DOCK2: variants seen among roughly 807,000 people sequenced by gnomAD.
DOCK2 encodes the protein dedicator of cytokinesis protein 2.
A neutral mutation model predicts 248.9 loss-of-function variants in DOCK2; 87 were observed. That is an observed-to-expected ratio of 0.35 (90% confidence interval 0.29 to 0.42). The LOEUF (loss-of-function observed/expected upper bound fraction) is 0.42, where lower values mean the gene tolerates loss of function less well. DOCK2 is among the 10% of genes least tolerant of loss of function. DOCK2 has a pLI of 1.00. For missense variants in DOCK2, 1,747 were observed against 2,300.2 expected (o/e 0.76, Z 4.92); for synonymous variants, 805 against 821.6 (o/e 0.98, Z 0.35).
intron 27 of DOCK2, among the ~76,000 whole-genome samples, chr5:169,926,021 G>T (rs985576037): frequency 6.6e-6 from 1 of 152,178 alleles, no homozygotes; most frequent in African/African-American, 2.4e-5. Flanking sequence ...ATGGCAGGAT[G>T]TCGTCAGCTC....
chr5:169,747,296 C>T, intron 22 of DOCK2, 100 bp from the exon 23 acceptor site: 2 of 1,063,446 alleles, frequency 1.9e-6, no homozygotes, highest in South Asian at 1.6e-5. Flanking sequence ...ACCTCCCACT[C>T]CTTTTTGTTT....
chr5:169,844,338 C>G (rs1464773242), intron 27 of DOCK2, among the ~76,000 whole-genome samples: 1 of 152,232 alleles, frequency 6.6e-6, no homozygotes, highest in Non-Finnish European at 1.5e-5. Context: ...CATCCCTAAG[C>G]TGCTTTTAAG....
At chr5:169,744,372 C>T (rs756317500) in intron 22 of DOCK2, among the ~76,000 whole-genome samples, 1 of 152,134 alleles carries the variant, frequency 6.6e-6, no homozygotes, top group African/African-American at 2.4e-5. Context: ...GATGGTGAAG[C>T]CAAGTCACTT....
intron 5 of DOCK2, 100 bp from the exon 6 acceptor site, chr5:169,674,197 A>G: frequency 6.9e-7 from 1 of 1,459,360 alleles, no homozygotes; most frequent in Non-Finnish European, 9.3e-7. Flanking sequence ...GCCTCAGGCC[A>G]TGGCCCTTGA....
At chr5:170,067,186 A>G (rs1486338079) in intron 44 of DOCK2, among the ~76,000 whole-genome samples, 1 of 152,174 alleles carries the variant, frequency 6.6e-6, no homozygotes, top group Non-Finnish European at 1.5e-5. Flanking sequence ...TGCCCAACCA[A>G]TACTGAAAGG....
chr5:170,047,519 G>A lies in DOCK2; in HGVS notation c.3976G>A (p.Ala1326Thr). 1 of 1,613,298 alleles carries A rather than the reference G, an allele frequency of 6.2e-7. No individual in the cohort carries two copies. Residue 1326 changes from alanine to threonine, a missense_variant, in exon 40 of 52, where the codon GCA becomes ACA. By Grantham distance (58) the Ala-to-Thr change is moderately conservative. Coordinates refer to ENST00000520908, the MANE Select transcript of DOCK2 (RefSeq NM_004946.3). ...TGTTTTCTTCCTTTAGATCCAGCAG[G>A]CAAAATTCTATGAAAGCATCATGAA... ...ELLSQNLIQQ[A>T]KFYESIMKIL...
At chr5:170,080,498 G>T (rs1386645963) in intron 50 of DOCK2, 4 of 655,024 alleles carry the variant, frequency 6.1e-6, no homozygotes. Flanking sequence ...AGCAGGGACA[G>T]GGGAGAGGCC....
intron 27 of DOCK2, among the ~76,000 whole-genome samples, chr5:169,919,851 G>A (rs6869528): frequency 0.33 from 50,918 of 152,038 alleles, 9,255 homozygotes; most frequent in South Asian, 0.4. Context: ...ATGCTTTAAA[G>A]GTGGAAACTT....
At chr5:169,791,571 G>C (rs186020362) in intron 25 of DOCK2, among the ~76,000 whole-genome samples, 1 of 152,160 alleles carries the variant, frequency 6.6e-6, no homozygotes, top group Non-Finnish European at 1.5e-5. Context: ...AAACTCAGAG[G>C]GTGGCTGCCT....
At chr5:170,012,704 A>C (rs527523476) in intron 32 of DOCK2, among the ~76,000 whole-genome samples, 9 of 152,158 alleles carry the variant, frequency 5.9e-5, no homozygotes, top group Middle Eastern at 3.2e-3. Context: ...CGCCAAATGG[A>C]ATTTACTTTT....
intron 27 of DOCK2, among the ~76,000 whole-genome samples, chr5:169,955,959 A>G (rs1308372830): frequency 2.6e-5 from 4 of 151,994 alleles, no homozygotes; most frequent in Admixed American, 6.5e-5. Context: ...AGCCTGGGTC[A>G]TGAGAGTCCT....
Position 170,034,498 on chromosome 5 carries a change from G to C in DOCK2, c.3567G>C (p.Arg1189=), listed in dbSNP as rs1290336450. Residue 1189 remains arginine (R), a synonymous_variant, in exon 35 of 52, where the codon CGG becomes CGC. Coordinates refer to ENST00000520908, the MANE Select transcript of DOCK2 (RefSeq NM_004946.3). The part of the protein sequence containing the change: ...KGLLEKLLDY[R]GVMTDESKDN... ...TCCTGGAGAAGCTGCTGGATTACCG[G>C]GGTGTGATGACAGATGAGAGCAAAG... The C allele has an allele frequency of 1.2e-6, 2 of 1,614,074 alleles. No homozygotes were observed. The highest frequency in any genetic ancestry group is 2.7e-5 in the African/African-American group (2 of 74,928).
intron 26 of DOCK2, among the ~76,000 whole-genome samples, chr5:169,835,349 G>A (rs1324610276): frequency 6.7e-6 from 1 of 150,260 alleles, no homozygotes; most frequent in Admixed American, 6.7e-5. Context: ...CTGCCTCCTG[G>A]GATCTACCTA....
At position 169,803,214 on chromosome 5, in the gene DOCK2, C is replaced by T; in HGVS notation, c.2703+8C>T. The T allele has an allele frequency of 8.1e-6, 13 of 1,611,578 alleles. No homozygotes were observed. Among genetic ancestry groups the T allele is most frequent in the Non-Finnish European group, 1.1e-5 (13 of 1,178,836 alleles). ...CTTAGCTACCAGGATGCGGTGAGTC[C>T]TCCTGATGATGTAGATATCCTGGAC... On this transcript the variant is annotated splice_region_variant and intron_variant, in intron 26 of 51. Transcript: ENST00000520908.
intron 32 of DOCK2, among the ~76,000 whole-genome samples, chr5:170,013,463 T>G (rs976448502): frequency 6.6e-6 from 1 of 151,976 alleles, no homozygotes; most frequent in Non-Finnish European, 1.5e-5. Flanking sequence ...TACAGCATCC[T>G]TATAGGTGAA....
chr5:170,007,255 A>G (rs1341623076), intron 30 of DOCK2, among the ~76,000 whole-genome samples: 1 of 152,208 alleles, frequency 6.6e-6, no homozygotes, highest in Non-Finnish European at 1.5e-5. Flanking sequence ...TCCTCTTGCT[A>G]CATACACTGT....
intron 26 of DOCK2, among the ~76,000 whole-genome samples, chr5:169,820,674 CAG>C (rs1384713797): frequency 3.9e-5 from 6 of 152,174 alleles, no homozygotes; most frequent in African/African-American, 1.4e-4. Context: ...GGGGAAAAAA[CAG>C]AGCAGAAAAA....
In DOCK2 at chr5:170,050,238, A is replaced by G. The variant is rs751892041; in HGVS notation, c.4072-18A>G. On this transcript the variant is annotated intron_variant, in intron 40 of 51. Transcript: ENST00000520908. ...CACCTGGGTCCCCAAATCTCTAATG[A>G]GCATCCTTTCTCTGCAGAACAAAGT... 6.8e-6 allele frequency: 11 copies of G among 1,612,516 alleles called. No homozygotes were observed. Among genetic ancestry groups the G allele is most frequent in the Non-Finnish European group, 8.5e-6 (10 of 1,179,192 alleles).
At chr5:169,803,462 A>G (rs557732346) in intron 26 of DOCK2, among the ~76,000 whole-genome samples, 1 of 152,266 alleles carries the variant, frequency 6.6e-6, no homozygotes, top group South Asian at 2.1e-4. Context: ...TATAGACATT[A>G]TTGCAGCCTT....
Sources: allele counts gnomAD v4.1 joint callset (sites outside exome capture counted in the v4.1 genomes callset), GRCh38; gene constraint gnomAD v4.1.1; transcripts MANE v1.5; gene names NCBI Gene and HGNC (gene_info 2026-07-23, HGNC 2026-07-21).